The following ASPRV1 variants were observed in gnomAD, a reference collection of about 807,000 sequenced individuals.
The protein encoded by ASPRV1 is aspartic peptidase retroviral like 1.
Under a neutral mutation model 11.0 loss-of-function variants are expected in ASPRV1, and 7 were observed. The observed-to-expected ratio is 0.64, with a 90% confidence interval of 0.36 to 1.20. ASPRV1 has a LOEUF of 1.20. Among genes scored for constraint, ASPRV1 ranks in the 50% most tolerant of loss-of-function variants. The pLI is 0.02. For missense variants in ASPRV1, 299 were observed against 320.0 expected (o/e 0.93, Z 0.50); for synonymous variants, 136 against 138.4 (o/e 0.98, Z 0.12).
chr2:70,009,688 T>C, the ASPRV1 span, among the ~76,000 whole-genome samples: 5 of 152,284 alleles, frequency 3.3e-5, no homozygotes, highest in African/African-American at 7.2e-5. Flanking sequence ...AGGGGGACAA[T>C]GCAGGCCACA....
At chr2:70,061,161 C>T in the ASPRV1 span, among the ~76,000 whole-genome samples, 1 of 151,064 alleles carries the variant, frequency 6.6e-6, no homozygotes, top group Non-Finnish European at 1.5e-5. Context: ...TTTGGGAGGC[C>T]GAGGCAGGTG....
downstream of ASPRV1, among the ~76,000 whole-genome samples, chr2:69,958,057 C>T (rs1677980067): frequency 6.6e-6 from 1 of 152,174 alleles, no homozygotes; most frequent in Admixed American, 6.5e-5. Context: ...GACAGCAAGC[C>T]CTCTGTGGTG....
the ASPRV1 span, among the ~76,000 whole-genome samples, chr2:70,068,786 AAT>A: frequency 1.3e-3 from 191 of 150,094 alleles, no homozygotes; most frequent in African/African-American, 4.6e-3. Context: ...AAAAAAAAAA[AAT>A]AACAAAATTA....
chr2:70,082,931 A>C, the ASPRV1 span, among the ~76,000 whole-genome samples: 14 of 152,108 alleles, frequency 9.2e-5, no homozygotes, highest in South Asian at 2.1e-4. Flanking sequence ...AAAATTAAAC[A>C]ACCATAGTAT....
the ASPRV1 span, chr2:70,034,986 G>C: frequency 6.6e-6 from 1 of 152,354 alleles, no homozygotes; most frequent in African/African-American, 2.4e-5. Context: ...CCCTTGTAGA[G>C]AGTGTAACTT....
the ASPRV1 span, among the ~76,000 whole-genome samples, chr2:70,078,114 G>A: frequency 5.3e-5 from 8 of 152,224 alleles, no homozygotes; most frequent in Middle Eastern, 6.8e-3. Context: ...CCGAGATCGC[G>A]CCACTGCACT....
the ASPRV1 span, among the ~76,000 whole-genome samples, chr2:70,002,753 T>C: frequency 1.3e-5 from 2 of 152,220 alleles, no homozygotes; most frequent in Non-Finnish European, 2.9e-5. Flanking sequence ...TTCACATCTT[T>C]GCTGTTGGAG....
chr2:70,054,985 T>C, the ASPRV1 span, among the ~76,000 whole-genome samples: 4 of 152,104 alleles, frequency 2.6e-5, no homozygotes, highest in Non-Finnish European at 5.9e-5. Flanking sequence ...GGATCACATT[T>C]ATAAGGTGAA....
chr2:70,056,724 C>CTTTTTT, the ASPRV1 span: 1 of 151,688 alleles, frequency 6.6e-6, no homozygotes, highest in Non-Finnish European at 1.5e-5. Flanking sequence ...TTTACAACTG[C>CTTTTTT]TTTTGTTTTG....
the ASPRV1 span, among the ~76,000 whole-genome samples, chr2:70,054,930 C>T: frequency 1.3e-5 from 2 of 152,152 alleles, no homozygotes; most frequent in African/African-American, 4.8e-5. Context: ...ATCATACATA[C>T]ATACATACAT....
At chr2:70,027,438 G>A in the ASPRV1 span, among the ~76,000 whole-genome samples, 1 of 152,116 alleles carries the variant, frequency 6.6e-6, no homozygotes, top group Non-Finnish European at 1.5e-5. Context: ...ATATTAAAGA[G>A]ATATCTGCAC....
At chr2:70,038,669 G>A in the ASPRV1 span, among the ~76,000 whole-genome samples, 1 of 152,198 alleles carries the variant, frequency 6.6e-6, no homozygotes, top group Non-Finnish European at 1.5e-5. Flanking sequence ...AGTGATTTTA[G>A]GAGGAAGAGT....
the ASPRV1 span, among the ~76,000 whole-genome samples, chr2:70,017,667 T>TA: frequency 6.6e-6 from 1 of 152,124 alleles, no homozygotes; most frequent in African/African-American, 2.4e-5. Context: ...TTAGAACTGA[T>TA]AAACATATTC....
At chr2:69,985,224 C>A in the ASPRV1 span, among the ~76,000 whole-genome samples, 1 of 152,034 alleles carries the variant, frequency 6.6e-6, no homozygotes, top group Non-Finnish European at 1.5e-5. Flanking sequence ...TCCTTCCTTC[C>A]TTCTCTCCTT....
chr2:69,957,148 C>T (rs1006357160), downstream of ASPRV1, among the ~76,000 whole-genome samples: 1 of 152,138 alleles, frequency 6.6e-6, no homozygotes, highest in Non-Finnish European at 1.5e-5. Context: ...CAGTGAACTT[C>T]CTGATTTTGA....
chr2:69,985,285 A>G, the ASPRV1 span, among the ~76,000 whole-genome samples: 1 of 151,502 alleles, frequency 6.6e-6, no homozygotes. Flanking sequence ...ATCAGACCTC[A>G]GGGACAGATT....
At chr2:70,077,125 T>C in the ASPRV1 span, among the ~76,000 whole-genome samples, 2 of 152,250 alleles carry the variant, frequency 1.3e-5, no homozygotes, top group Middle Eastern at 3.4e-3. Context: ...ACCGGAATCA[T>C]ATGGTTGTCA....
the ASPRV1 span, among the ~76,000 whole-genome samples, chr2:70,039,796 C>T: frequency 6.6e-6 from 1 of 152,198 alleles, no homozygotes; most frequent in Non-Finnish European, 1.5e-5. Context: ...TGAATCTCAG[C>T]TTAACCTTTA....
chr2:70,022,522 C>CA, the ASPRV1 span, among the ~76,000 whole-genome samples: 8 of 151,278 alleles, frequency 5.3e-5, no homozygotes, highest in South Asian at 1.0e-3. Flanking sequence ...CTCAACTCTA[C>CA]AAAAAACAAA....
Sources: allele counts gnomAD v4.1 joint callset (sites outside exome capture counted in the v4.1 genomes callset), GRCh38; gene constraint gnomAD v4.1.1; transcripts MANE v1.5; gene names NCBI Gene and HGNC (gene_info 2026-07-23, HGNC 2026-07-21).